NLGN4X: variants seen among roughly 807,000 people sequenced by gnomAD.
NLGN4X encodes the protein neuroligin 4 X-linked, also known as neuroligin-4, X-linked.
Under a neutral mutation model 40.3 loss-of-function variants are expected in NLGN4X, and 3 were observed. The observed-to-expected ratio is 0.07, with a 90% CI of 0.03 to 0.19. NLGN4X has a LOEUF of 0.19. Ranked by LOEUF, NLGN4X falls within the 10% of genes least tolerant of loss-of-function variation. The pLI is 1.00. For synonymous variants in NLGN4X, 270 were observed against 306.8 expected (o/e 0.88, Z 1.25); for missense variants, 382 against 708.3 (o/e 0.54, Z 5.23).
intron 2 of NLGN4X, among the ~76,000 whole-genome samples, chrX:6,143,470 C>T (rs1213422239): frequency 8.9e-6 from 1 of 112,066 alleles, no homozygotes; most frequent in Non-Finnish European, 1.9e-5. Flanking sequence ...GGTGCAGCCG[C>T]GATCTTGAGT....
At chrX:6,227,680 C>A (rs895904850) in intron 1 of NLGN4X, 1 of 111,266 alleles carries the variant, frequency 9.0e-6, no homozygotes, top group Non-Finnish European at 1.9e-5. Flanking sequence ...AGAAGCAGCC[C>A]GGAGCTACCG....
intron 3 of NLGN4X, among the ~76,000 whole-genome samples, chrX:5,985,769 C>T (rs1055384320): frequency 8.1e-5 from 9 of 111,679 alleles, no homozygotes; most frequent in Non-Finnish European, 1.5e-4. Flanking sequence ...GACTCAAAAC[C>T]TGAGTCAACA....
chrX:5,958,054 A>G (rs1030645199), intron 3 of NLGN4X, among the ~76,000 whole-genome samples: 2 of 111,942 alleles, frequency 1.8e-5, no homozygotes, highest in Non-Finnish European at 3.8e-5. Flanking sequence ...ATCTTCTCCC[A>G]GCGAACAAAC....
At chrX:5,978,731 T>TAC in intron 3 of NLGN4X, among the ~76,000 whole-genome samples, 1 of 112,233 alleles carries the variant, frequency 8.9e-6, no homozygotes, top group Non-Finnish European at 1.9e-5. Context: ...GTATAAACTG[T>TAC]ACATAAAGTA....
At position 5,892,997 on chromosome X, in the gene NLGN4X, C is replaced by A. The variant is rs4999056; in HGVS notation, c.2271G>T (p.Pro757=). ...QAHDTLRLTC[P]PDYTLTLRRS... is the part of the protein sequence containing the mutation. Reference sequence around the variant, plus strand: ...GGCGCAGCGTGAGGGTGTAGTCTGGCGGGCAGGTGAGCCTCAGTGTGTCGT... The same window carrying A: ...GGCGCAGCGTGAGGGTGTAGTCTGGAGGGCAGGTGAGCCTCAGTGTGTCGT... The change falls in exon 6 of 6, where the codon CCG becomes CCT. Residue 757 remains proline (P), a synonymous_variant. Coordinates refer to ENST00000381095, the MANE Select transcript of NLGN4X (RefSeq NM_181332.3). 8.3e-7 allele frequency: 1 copy of A among 1,211,242 alleles called. No homozygotes were observed. Among genetic ancestry groups the A allele is most frequent in the Middle Eastern group, 2.3e-4 (1 of 4,354 alleles).
intron 2 of NLGN4X, among the ~76,000 whole-genome samples, chrX:6,092,228 C>G (rs1399322306): frequency 1.8e-5 from 2 of 112,007 alleles, no homozygotes; most frequent in East Asian, 5.6e-4. Context: ...TAAAGCTCCT[C>G]CAACAGTGTA....
intron 3 of NLGN4X, among the ~76,000 whole-genome samples, chrX:5,949,731 T>C (rs932658606): frequency 6.2e-5 from 7 of 112,113 alleles, no homozygotes; most frequent in African/African-American, 2.3e-4. Context: ...GCAGGTGCAA[T>C]TGTTCACACA....
intron 2 of NLGN4X, among the ~76,000 whole-genome samples, chrX:6,127,629 T>A: frequency 8.9e-6 from 1 of 111,930 alleles, no homozygotes; most frequent in Non-Finnish European, 1.9e-5. Context: ...AAAGAATACA[T>A]TGCTTCCTTC....
intron 2 of NLGN4X, among the ~76,000 whole-genome samples, chrX:6,145,005 C>A (rs960871641): frequency 9.0e-6 from 1 of 111,135 alleles, no homozygotes; most frequent in Non-Finnish European, 1.9e-5. Context: ...ATTAGGAATG[C>A]TTGTATCTCT....
At chrX:5,968,457 C>CTCTCTCTCTGTG (rs1192942244) in intron 3 of NLGN4X, among the ~76,000 whole-genome samples, 23 of 47,010 alleles carry the variant, frequency 4.9e-4, no homozygotes, top group African/African-American at 2.5e-3. Context: ...CTCTCTCTCT[C>CTCTCTCTCTGTG]TGTGTGTGTG....
At position 5,893,123 on chromosome X, in the gene NLGN4X, T is replaced by C; in HGVS notation, c.2145A>G (p.Arg715=). The C allele has an allele frequency of 8.3e-7, 1 of 1,211,435 alleles. No individual in the cohort carries two copies. Among genetic ancestry groups the C allele is most frequent in the Non-Finnish European group, 1.1e-6 (1 of 895,385 alleles). Residue 715 remains arginine (R), a synonymous_variant, in exon 6 of 6, where the codon AGA becomes AGG. Coordinates refer to ENST00000381095, the MANE Select transcript of NLGN4X (RefSeq NM_181332.3). The stretch of plus-strand genomic sequence containing the variant: ...TGTGAGCGATATCATTTGTGGTGTT[T>C]CTCTGGGGACTGGGGCGCCTGTGAG... ...HETHRRPSPQ[R]NTTNDIAHIQ... is the part of the protein sequence containing the mutation.
chrX:5,996,901 C>T (rs759059550), intron 3 of NLGN4X, among the ~76,000 whole-genome samples: 59 of 111,303 alleles, frequency 5.3e-4, no homozygotes, highest in Non-Finnish European at 1.0e-3. Flanking sequence ...CCCGGTCTAT[C>T]CTCATCCTTT....
intron 2 of NLGN4X, among the ~76,000 whole-genome samples, chrX:6,040,975 A>AG (rs1011527053): frequency 1.8e-5 from 2 of 111,591 alleles, no homozygotes; most frequent in African/African-American, 6.5e-5. Context: ...GGTCACTCTC[A>AG]GCCCCTGGAA....
intron 2 of NLGN4X, among the ~76,000 whole-genome samples, chrX:6,085,831 G>C (rs1198199619): frequency 8.9e-6 from 1 of 112,194 alleles, no homozygotes; most frequent in East Asian, 2.8e-4. Context: ...GCCATTGTTG[G>C]TGACAGAAAT....
At chrX:5,965,055 G>A (rs191571361) in intron 3 of NLGN4X, among the ~76,000 whole-genome samples, 3 of 111,785 alleles carry the variant, frequency 2.7e-5, no homozygotes, top group African/African-American at 9.7e-5. Flanking sequence ...TAGGTGGATC[G>A]TGGGGTAGTG....
Position 5,941,180 on chromosome X carries a change from G to GGTGTGT in NLGN4X, c.626-31947_626-31942dup, listed in dbSNP as rs3220455. 6.4e-3 allele frequency among the ~76,000 whole-genome samples: 374 copies of GGTGTGT among 58,603 alleles called. 15 individuals carry two copies. The highest frequency in any genetic ancestry group is 0.021 in the East Asian group (23 of 1,102). The allele number at this position is 58,603 out of a possible 115,157, so 50.9% of individuals were successfully genotyped here. On this transcript the variant is annotated intron_variant, in intron 3 of 5. Transcript: ENST00000381095. The stretch of plus-strand genomic sequence containing the variant: ...CGTTGTTCTGGATCGTATGCTAGGG[G>GGTGTGT]GTGTGTGTGTGTGTGTGTGTGTGTG...
intron 2 of NLGN4X, among the ~76,000 whole-genome samples, chrX:6,124,003 TTAAAA>T (rs2039486207): frequency 9.1e-6 from 1 of 110,475 alleles, no homozygotes; most frequent in African/African-American, 3.3e-5. Flanking sequence ...AAAGATATAT[TTAAAA>T]TAAATGGATA....
At chrX:6,043,054 C>G (rs760011015) in intron 2 of NLGN4X, among the ~76,000 whole-genome samples, 375 of 105,859 alleles carry the variant, frequency 3.5e-3, no homozygotes, top group Admixed American at 6.5e-3. Flanking sequence ...CTAGCCTGCA[C>G]GACAGAGTGA....
Position 6,193,408 on chromosome X carries a change from C to CAA in NLGN4X, c.-306+35131_-306+35132dup, listed in dbSNP as rs60328753. 1.4e-3 allele frequency among the ~76,000 whole-genome samples: 40 copies of CAA among 28,336 alleles called. 1 individual carries two copies. Among genetic ancestry groups the CAA allele is most frequent in the African/African-American group, 5.5e-3 (35 of 6,377 alleles). 24.6% of individuals were successfully genotyped at this position (28,336 alleles called of 115,157 possible). A position where few individuals can be genotyped will look rare whatever the true frequency, so the allele number is the denominator to read the frequency against. ...TGGGCGACAGAACGAGACTCCGTCT[C>CAA]AAAAAAAAAAAAAAAAAAAAAAAAA... On this transcript the variant is annotated intron_variant, in intron 1 of 5. Coordinates refer to ENST00000381095, the MANE Select transcript of NLGN4X (RefSeq NM_181332.3).
Sources: allele counts gnomAD v4.1 joint callset (sites outside exome capture counted in the v4.1 genomes callset), GRCh38; gene constraint gnomAD v4.1.1; transcripts MANE v1.5; gene names NCBI Gene and HGNC (gene_info 2026-07-23, HGNC 2026-07-21).